UBE2D3: variants seen among roughly 807,000 people sequenced by gnomAD.
The protein encoded by UBE2D3 is ubiquitin-conjugating enzyme E2 D3.
Under a neutral mutation model 22.8 loss-of-function variants are expected in UBE2D3, and 2 were observed. The observed-to-expected ratio is 0.09, with a 90% CI of 0.04 to 0.28. The LOEUF (loss-of-function observed/expected upper bound fraction) is 0.28. Ranked by LOEUF, UBE2D3 falls within the 10% of genes least tolerant of loss-of-function variation. The probability of loss-of-function intolerance (pLI) is 1.00; values close to 1 mark genes in which losing one functional copy is unlikely to be tolerated. For missense variants in UBE2D3, 27 were observed against 182.5 expected, an observed-to-expected ratio of 0.15 and a Z score of 4.91; for synonymous variants, 56 against 60.4, an observed-to-expected ratio of 0.93 and a Z score of 0.34.
Position 102,826,643 on chromosome 4 carries a change from C to CA in UBE2D3, c.-128-8dup. On this transcript the variant is annotated splice_polypyrimidine_tract_variant and splice_region_variant and intron_variant, in intron 1 of 7. Coordinates refer to ENST00000453744, the MANE Select transcript of UBE2D3 (RefSeq NM_181891.3). ...CTCTGCCAGACACAGGCGCCTTTTG[C>CA]AAAAACGGAGCAGATCAGCACTCGC... The CA allele has an allele frequency of 6.4e-7, 1 of 1,564,628 alleles. No individual in the cohort carries two copies. Among genetic ancestry groups the CA allele is most frequent in the Non-Finnish European group, 8.6e-7 (1 of 1,165,342 alleles).
At chr4:102,859,965 C>T (rs899983345) in intron 1 of UBE2D3, among the ~76,000 whole-genome samples, 5 of 151,970 alleles carry the variant, frequency 3.3e-5, no homozygotes, top group Non-Finnish European at 5.9e-5. Flanking sequence ...CCTGCCTCAG[C>T]CTCCTGAGTA....
rs757746209 is a variant in UBE2D3 at position 102,826,477 on chromosome 4, C to A, written c.24+8G>T. On this transcript the variant is annotated splice_region_variant and intron_variant, in intron 2 of 7. Transcript: ENST00000453744. ...CTACCACCCCATGCCCTTGTCCCCG[C>A]GGGTTACCTTATTAATCCGTTTCAG... 2.5e-6 allele frequency: 4 copies of A among 1,613,878 alleles called. No individual in the cohort carries two copies. In the South Asian group the frequency reaches 4.4e-5, roughly 18 times the overall value.
chr4:102,853,135 A>ATCTTT (rs386626793), intron 1 of UBE2D3, among the ~76,000 whole-genome samples: 6,623 of 87,882 alleles, frequency 0.075, 1,378 homozygotes, highest in African/African-American at 0.1. Context: ...AAACACACAC[A>ATCTTT]TTTTTTTTTT....
At position 102,808,030 on chromosome 4, in the gene UBE2D3, A is replaced by C. The variant is rs542187002; in HGVS notation, c.120+1642T>G. ...AACTATCAACTACCCTCTGAATCAA[A>C]GATGAGCTTTATTTTAAGGCATTTT... On this transcript the variant is annotated intron_variant, in intron 4 of 7. Transcript: ENST00000453744. Among the ~76,000 whole-genome samples, 10 of 152,354 alleles carry C rather than the reference A, an allele frequency of 6.6e-5. No homozygotes were observed. In the East Asian group the frequency reaches 1.9e-3, roughly 29 times the overall value.
chr4:102,827,662 A>T, upstream of UBE2D3: 1 of 986,282 alleles, frequency 1.0e-6, no homozygotes. Flanking sequence ...GGCCGAAGCC[A>T]GACGGCTTGC....
chr4:102,830,928 C>T (rs1391368099), upstream of UBE2D3, among the ~76,000 whole-genome samples: 1 of 152,010 alleles, frequency 6.6e-6, no homozygotes, highest in African/African-American at 2.4e-5. Context: ...GTGCCAGGGT[C>T]TTATTACATG....
chr4:102,827,594 C>A, upstream of UBE2D3: 1 of 987,100 alleles, frequency 1.0e-6, no homozygotes. Flanking sequence ...CCTCCTGCCT[C>A]TTCACCGCCG....
At chr4:102,859,070 A>G (rs1234209703) in intron 1 of UBE2D3, among the ~76,000 whole-genome samples, 1 of 151,856 alleles carries the variant, frequency 6.6e-6, no homozygotes, top group Non-Finnish European at 1.5e-5. Flanking sequence ...CTTTAGTTTC[A>G]GTTTTAGCAT....
chr4:102,812,017 A>ACATGC (rs33915226), intron 2 of UBE2D3: 108,232 of 193,010 alleles, frequency 0.56, 31,829 homozygotes, highest in African/African-American at 0.77. Context: ...CAAAGTGGGT[A>ACATGC]ACTTTTTTTC....
intron 1 of UBE2D3, among the ~76,000 whole-genome samples, chr4:102,836,207 C>T (rs556020571): frequency 9.2e-4 from 123 of 133,956 alleles, no homozygotes; most frequent in Non-Finnish European, 1.5e-3. Flanking sequence ...AGTGCAGTGG[C>T]GCAATCTTGG....
At chr4:102,858,798 G>C (rs537279668) in intron 1 of UBE2D3, among the ~76,000 whole-genome samples, 1 of 151,742 alleles carries the variant, frequency 6.6e-6, no homozygotes, top group Non-Finnish European at 1.5e-5. Context: ...ACAAAAACTC[G>C]ACACTTTAAC....
At chr4:102,853,451 A>C (rs923301610) in intron 1 of UBE2D3, among the ~76,000 whole-genome samples, 6 of 152,186 alleles carry the variant, frequency 3.9e-5, no homozygotes, top group Non-Finnish European at 7.3e-5. Context: ...CATAAGGTCT[A>C]GTAAAATAAG....
intron 2 of UBE2D3, among the ~76,000 whole-genome samples, chr4:102,817,660 T>C (rs575777017): frequency 6.6e-6 from 1 of 152,338 alleles, no homozygotes; most frequent in Non-Finnish European, 1.5e-5. Flanking sequence ...TGCTCCAGAA[T>C]GAACACGATA....
chr4:102,836,421 A>G (rs1731407627), intron 1 of UBE2D3, among the ~76,000 whole-genome samples: 1 of 152,188 alleles, frequency 6.6e-6, no homozygotes, highest in African/African-American at 2.4e-5. Context: ...TGCTGGGATT[A>G]TAAGAGTGAG....
At chr4:102,825,357 A>G in intron 2 of UBE2D3, 1 of 1,010,210 alleles carries the variant, frequency 9.9e-7, no homozygotes, top group Non-Finnish European at 1.2e-6. Flanking sequence ...CACAAATACA[A>G]GTCACAAAAA....
In UBE2D3 at chr4:102,827,455, G is replaced by T. The variant is rs1034371637; in HGVS notation, c.-157C>A. ...GGGGCCGGGGCCTCCCTCAAGCTGCGGCCTCGGCCTCCTCCCCGCGCGGCA... is the reference window on the plus strand; with the variant it reads ...GGGGCCGGGGCCTCCCTCAAGCTGCTGCCTCGGCCTCCTCCCCGCGCGGCA... On this transcript the variant is annotated 5_prime_UTR_variant, in exon 1 of 8. Coordinates refer to ENST00000453744, the MANE Select transcript of UBE2D3 (RefSeq NM_181891.3). 2 of 986,018 alleles carry T rather than the reference G, an allele frequency of 2.0e-6. No individual in the cohort carries two copies. Among genetic ancestry groups the T allele is most frequent in the African/African-American group, 3.5e-5 (2 of 57,234 alleles). 61.1% of individuals were successfully genotyped at this position (986,018 alleles called of 1,614,324 possible).
In UBE2D3 at chr4:102,826,768, C is replaced by G. The variant is rs1317811854; in HGVS notation, c.-128-132G>C. The G allele has an allele frequency of 4.6e-6, 6 of 1,296,410 alleles. No individual in the cohort carries two copies. In the Admixed American group the frequency reaches 1.5e-4, roughly 33 times the overall value. 80.3% of individuals were successfully genotyped at this position (1,296,410 alleles called of 1,614,324 possible). ...GCAAAGCCACCAACAGCCTCTGTAC[C>G]GTGCTTTCGGCCCGAAGTGGGGGCG... On this transcript the variant is annotated intron_variant, in intron 1 of 7. Coordinates refer to ENST00000453744, the MANE Select transcript of UBE2D3 (RefSeq NM_181891.3).
chr4:102,806,963 T>C (rs1419860723), intron 4 of UBE2D3, among the ~76,000 whole-genome samples: 1 of 152,088 alleles, frequency 6.6e-6, no homozygotes, highest in African/African-American at 2.4e-5. Context: ...AGCCAGTACA[T>C]ATGATTATTA....
chr4:102,807,870 A>G (rs1484529678), intron 4 of UBE2D3, among the ~76,000 whole-genome samples: 1 of 152,150 alleles, frequency 6.6e-6, no homozygotes, highest in Non-Finnish European at 1.5e-5. Context: ...TGTTGTTCAA[A>G]ATAACAAAGT....
Sources: gnomAD v4.1 joint callset for allele counts (sites outside exome capture counted in the v4.1 genomes callset) on GRCh38, gnomAD v4.1.1 for gene constraint, MANE v1.5 for transcripts, NCBI Gene and HGNC (gene_info 2026-07-23, HGNC 2026-07-21) for gene names.